The following SLC25A48 variants were observed in gnomAD, a reference collection of about 807,000 sequenced individuals.
SLC25A48 encodes the protein CTC-321K16.1.
In SLC25A48, 29 loss-of-function variants were observed where a neutral mutation model predicts 32.2. The observed-to-expected ratio is 0.90, with a 90% CI of 0.67 to 1.23. The LOEUF is 1.23. SLC25A48 is among the 50% of genes most tolerant of loss of function. The pLI is 0.00. For synonymous variants in SLC25A48, 164 were observed against 172.3 expected (o/e 0.95, Z 0.38); for missense variants, 399 against 422.7 (o/e 0.94, Z 0.49).
chr5:135,644,128 G>A (rs920818774), intron 3 of SLC25A48, among the ~76,000 whole-genome samples: 2 of 152,224 alleles, frequency 1.3e-5, no homozygotes, highest in South Asian at 4.1e-4. Flanking sequence ...CTTTGGAGAA[G>A]ATGATTCATG....
chr5:135,695,158 T>G (rs1316837319), intron 3 of SLC25A48, among the ~76,000 whole-genome samples: 2 of 152,086 alleles, frequency 1.3e-5, no homozygotes, highest in African/African-American at 4.8e-5. Flanking sequence ...GGTGGCTGCT[T>G]CTTGTCATTC....
chr5:135,677,160 G>A (rs1380040212), intron 3 of SLC25A48, among the ~76,000 whole-genome samples: 1 of 151,742 alleles, frequency 6.6e-6, no homozygotes, highest in Non-Finnish European at 1.5e-5. Flanking sequence ...TAAATATTTA[G>A]GATTGTCATA....
At position 135,801,455 on chromosome 5, in the gene SLC25A48, C is replaced by T. The variant is rs1255145720; in HGVS notation, c.-520-11068C>T. 4.7e-5 allele frequency among the ~76,000 whole-genome samples: 7 copies of T among 147,704 alleles called. No homozygotes were observed. The East Asian group carries it at 6.2e-4, about 13-fold the overall frequency. On this transcript the variant is annotated intron_variant, in intron 3 of 10. Transcript: ENST00000646290. ...GATATTGTTGGTAATATCTAGGGGGCGAGAGGATGATATTACTCCCAATAT... is the reference window on the plus strand; with the variant it reads ...GATATTGTTGGTAATATCTAGGGGGTGAGAGGATGATATTACTCCCAATAT...
chr5:135,793,542 C>T (rs1423180426), intron 3 of SLC25A48, among the ~76,000 whole-genome samples: 2 of 151,746 alleles, frequency 1.3e-5, no homozygotes, highest in Non-Finnish European at 2.9e-5. Context: ...TTCGTAATAT[C>T]CTTGGGAGAT....
At chr5:135,806,442 A>C (rs1169117225) in intron 3 of SLC25A48, among the ~76,000 whole-genome samples, 1 of 151,418 alleles carries the variant, frequency 6.6e-6, no homozygotes, top group Admixed American at 6.6e-5. Flanking sequence ...TTAATACCAT[A>C]ATGTGTTCAC....
intron 3 of SLC25A48, chr5:135,648,930 G>A (rs1173567452): frequency 3.9e-5 from 6 of 152,270 alleles, no homozygotes; most frequent in Non-Finnish European, 4.4e-5. Flanking sequence ...CCAGAACTGG[G>A]GCAAACCAGC....
intron 5 of SLC25A48, chr5:135,872,611 T>C (rs1761743197): frequency 6.6e-6 from 1 of 152,240 alleles, no homozygotes; most frequent in South Asian, 2.1e-4. Context: ...TACACAACTC[T>C]TCTGAGGGTT....
At chr5:135,622,278 A>G (rs1451383506) in intron 1 of SLC25A48, among the ~76,000 whole-genome samples, 1 of 152,230 alleles carries the variant, frequency 6.6e-6, no homozygotes, top group Non-Finnish European at 1.5e-5. Flanking sequence ...AAGAGCCTGA[A>G]AAATATTTAT....
intron 3 of SLC25A48, among the ~76,000 whole-genome samples, chr5:135,795,274 T>C (rs1226393334): frequency 2.0e-5 from 3 of 151,886 alleles, no homozygotes; most frequent in African/African-American, 7.3e-5. Context: ...CCTTGTGATA[T>C]TGTTCTTAAT....
chr5:135,776,708 G>A (rs1756570934), intron 3 of SLC25A48, among the ~76,000 whole-genome samples: 1 of 150,372 alleles, frequency 6.7e-6, no homozygotes, highest in South Asian at 2.1e-4. Context: ...CACACACCCT[G>A]TGATATTGTT....
At chr5:135,601,870 AC>A (rs1287501641) in intron 1 of SLC25A48, among the ~76,000 whole-genome samples, 2 of 152,144 alleles carry the variant, frequency 1.3e-5, no homozygotes. Flanking sequence ...TTGCTCAGTG[AC>A]CCCGGGTGGT....
At position 135,654,888 on chromosome 5, in the gene SLC25A48, C is replaced by T. The variant is rs565024795; in HGVS notation, c.-521+19932C>T. ...TGCGAGAACTCGGCCTGCCCCACTC[C>T]TGTGTGTATTCCTAGCAGTGCTGAG... On this transcript the variant is annotated intron_variant, in intron 3 of 10. Coordinates refer to the SLC25A48 transcript ENST00000646290. Among the ~76,000 whole-genome samples the T allele has an allele frequency of 1.2e-4, 18 of 152,358 alleles. No homozygotes were observed. The South Asian group carries it at 2.1e-3, about 18-fold the overall frequency.
rs374629147 is a variant in SLC25A48, at chr5:135,638,688, A to G, written c.-521+3732A>G. ...GTGTGATTGATTTCATGTGTCTCAC[A>G]TGGCTATTGATAAGGTATCATGTCA... On this transcript the variant is annotated intron_variant, in intron 3 of 10. Transcript: ENST00000646290. Among the ~76,000 whole-genome samples, 4 of 152,250 alleles carry G rather than the reference A, an allele frequency of 2.6e-5. No individual in the cohort carries two copies. In the South Asian group the frequency reaches 6.2e-4, roughly 24 times the overall value.
At chr5:135,765,410 A>G (rs1756186775) in intron 3 of SLC25A48, among the ~76,000 whole-genome samples, 1 of 151,126 alleles carries the variant, frequency 6.6e-6, no homozygotes, top group Non-Finnish European at 1.5e-5. Flanking sequence ...CACTTGTGAT[A>G]TGGTTTGTAA....
At chr5:135,650,988 T>A (rs75384598) in intron 3 of SLC25A48, among the ~76,000 whole-genome samples, 1 of 152,148 alleles carries the variant, frequency 6.6e-6, no homozygotes, top group Non-Finnish European at 1.5e-5. Context: ...GTTATCAATA[T>A]ATTGCCTTTC....
At chr5:135,592,486 C>A (rs1381914417) in intron 1 of SLC25A48, among the ~76,000 whole-genome samples, 3 of 152,186 alleles carry the variant, frequency 2.0e-5, no homozygotes, top group African/African-American at 7.2e-5. Flanking sequence ...ACAGGTGTCA[C>A]TGGCAAATGC....
At chr5:135,809,352 G>A (rs1757542131) in intron 3 of SLC25A48, among the ~76,000 whole-genome samples, 1 of 152,156 alleles carries the variant, frequency 6.6e-6, no homozygotes, top group Admixed American at 6.6e-5. Context: ...TCTGGAATGA[G>A]AAAGCTCTCA....
rs1580992843 is a variant in SLC25A48 at position 135,852,653 on chromosome 5, C to T, written c.253C>T (p.Arg85Trp). The change falls in exon 4 of 8, where the codon CGG (arginine) becomes TGG (tryptophan). Residue 85 changes from arginine to tryptophan, a missense_variant. Transcript: ENST00000681962. ...GTTTGGGGTCTTCAGTAACACGCAG[C>T]GGTTCCTCAGCCAGCACCGCTGCGG... The part of the protein sequence containing the change: ...VVFGVFSNTQ[R>W]FLSQHRCGEP... 1.2e-6 allele frequency: 2 copies of T among 1,613,806 alleles called. No homozygotes were observed. The highest frequency in any genetic ancestry group is 1.7e-6 in the Non-Finnish European group (2 of 1,179,726).
rs79315189 is a variant in SLC25A48, at chr5:135,741,577, A to G, written c.-520-70946A>G. 9.5e-3 allele frequency among the ~76,000 whole-genome samples: 1,445 copies of G among 152,260 alleles called. 30 individuals carry two copies. Among genetic ancestry groups the G allele is most frequent in the African/African-American group, 0.033 (1,358 of 41,544 alleles). On this transcript the variant is annotated intron_variant, in intron 3 of 10. Transcript: ENST00000646290. ...ATATGGCAAAACCCCATCTCTACAA[A>G]AAACACAAAGATTAGCCGGGCATGG...
Sources: gnomAD v4.1 joint callset for allele counts (sites outside exome capture counted in the v4.1 genomes callset) on GRCh38, gnomAD v4.1.1 for gene constraint, MANE v1.5 for transcripts, NCBI Gene and HGNC (gene_info 2026-07-23, HGNC 2026-07-21) for gene names.